SLC23A1: variants seen among roughly 807,000 people sequenced by gnomAD.
SLC23A1 encodes the protein solute carrier family 23 member 1.
A neutral mutation model predicts 62.5 loss-of-function variants in SLC23A1; 31 were observed. The observed-to-expected ratio is 0.50, with a 90% CI of 0.37 to 0.67. The LOEUF (loss-of-function observed/expected upper bound fraction) is 0.67. SLC23A1 is among the 30% of genes least tolerant of loss of function. The probability of loss-of-function intolerance (pLI) is 0.00; values close to 1 mark genes in which losing one functional copy is unlikely to be tolerated. For synonymous variants in SLC23A1, 271 were observed against 313.2 expected (o/e 0.87, Z 1.42); for missense variants, 640 against 782.7 (o/e 0.82, Z 2.18).
At chr5:139,368,060 G>A (rs1308835779) in intron 14 of SLC23A1, among the ~76,000 whole-genome samples, 3 of 152,316 alleles carry the variant, frequency 2.0e-5, no homozygotes, top group Non-Finnish European at 4.4e-5. Flanking sequence ...ATTAGGCCGG[G>A]CGCGGTGGCT....
Position 139,379,740 on chromosome 5 carries a change from G to T in SLC23A1, c.863C>A (p.Ala288Glu). Residue 288 changes from alanine (A) to glutamate (E), a missense_variant, in exon 8 of 15, where the codon GCA (alanine) becomes GAA (glutamate). Physicochemically the swap from Ala to Glu is moderately radical, Grantham distance 107. Coordinates refer to ENST00000348729, the MANE Select transcript of SLC23A1 (RefSeq NM_005847.5). This position sits in a 1 kb window ranked among gnomAD's most constrained non-coding sequence, Gnocchi z 4.7. ...PTDPKAYGFQ[A>E]RTDARGDIMA... ...GATGTCACCACGGGCATCGGTTCGT[G>T]CCTGGAAGCCATAGGCTTTTGGGTC... is the stretch of plus-strand genomic sequence containing the variant. 6.2e-7 allele frequency: 1 copy of T among 1,614,108 alleles called. No individual in the cohort carries two copies. Among genetic ancestry groups the T allele is most frequent in the Non-Finnish European group, 8.5e-7 (1 of 1,179,994 alleles).
In SLC23A1 at chr5:139,378,051, G is replaced by A; in HGVS notation, c.1377C>T (p.Phe459=). 1.9e-6 allele frequency: 3 copies of A among 1,614,146 alleles called. No individual in the cohort carries two copies. The highest frequency in any genetic ancestry group is 2.5e-6 in the Non-Finnish European group (3 of 1,179,986). ...CGAAGAACATGGAAAATCCCAGCAC[G>A]AAGAGGTTGCGAGAGGAGTTCATGT... ...FVDMNSSRNL[F]VLGFSMFFGL... The change falls in exon 12 of 15, where the codon TTC becomes TTT. Residue 459 remains phenylalanine, a synonymous_variant. Coordinates refer to ENST00000348729, the MANE Select transcript of SLC23A1 (RefSeq NM_005847.5). The surrounding 1 kb of genome is among the most constrained non-coding windows in gnomAD (Gnocchi z 4.5).
intron 3 of SLC23A1, 125 bp from the exon 4 acceptor site, chr5:139,381,011 G>A: frequency 1.7e-6 from 1 of 602,452 alleles, no homozygotes; most frequent in South Asian, 2.3e-5. Flanking sequence ...GACAAGGGCA[G>A]ATGGAAATCG....
intron 1 of SLC23A1, 54 bp downstream of exon 1, chr5:139,383,164 T>TC: frequency 1.2e-5 from 4 of 327,506 alleles, no homozygotes; most frequent in Non-Finnish European, 2.1e-5. Flanking sequence ...GCACAGGCCC[T>TC]CCAGCCCCCC....
At chr5:139,372,282 A>C (rs762822940) in intron 13 of SLC23A1, 29 bp from the exon 14 acceptor site, 2 of 1,598,806 alleles carry the variant, frequency 1.3e-6, no homozygotes, top group Non-Finnish European at 1.7e-6. Context: ...GTCATTTACC[A>C]AGGCCAGCAA....
chr5:139,381,867 C>T (rs187966929), intron 3 of SLC23A1, 25 bp downstream of exon 3: 67 of 979,350 alleles, frequency 6.8e-5, no homozygotes, highest in Middle Eastern at 3.9e-4. Context: ...TGGCGGGGGA[C>T]GGGTTGGGGG....
At chr5:139,385,282 C>T (rs563231842), upstream of SLC23A1, among the ~76,000 whole-genome samples, 2 of 152,340 alleles carry the variant, frequency 1.3e-5, no homozygotes, top group African/African-American at 4.8e-5. Context: ...CTGGTGCCAC[C>T]GATCTCCAGT....
chr5:139,380,884 A>G lies in SLC23A1; in HGVS notation c.311T>C (p.Leu104Pro). The G allele has an allele frequency of 8.3e-7, 1 of 1,206,490 alleles. No individual in the cohort carries two copies. The highest frequency in any genetic ancestry group is 1.1e-6 in the Non-Finnish European group (1 of 917,556). The allele number at this position is 1,206,490 out of a possible 1,614,324, so 74.7% of individuals were successfully genotyped here. Residue 104 changes from leucine to proline, a missense_variant and splice_region_variant, in exon 4 of 15, where the codon CTG (leucine) becomes CCG (proline). By Grantham distance (98) the Leu-to-Pro change is moderately conservative (BLOSUM62 -3). Coordinates refer to ENST00000348729, the MANE Select transcript of SLC23A1 (RefSeq NM_005847.5). ...TLIQTTVGIR[L>P]PLFQASAFAF... ...AAAGGCACTGGCCTGGAACAGCGGC[A>G]GCCTGGAGGAGAGGCACAAAGCAAC...
At chr5:139,371,195 A>G (rs1050082363) in intron 14 of SLC23A1, among the ~76,000 whole-genome samples, 10 of 152,230 alleles carry the variant, frequency 6.6e-5, no homozygotes, top group Admixed American at 3.3e-4. Flanking sequence ...AAATAGCAGT[A>G]ATAACTGTCT....
chr5:139,368,446 TTGAACC>T (rs1281782348), intron 14 of SLC23A1, among the ~76,000 whole-genome samples: 8 of 151,922 alleles, frequency 5.3e-5, no homozygotes, highest in African/African-American at 1.9e-4. Context: ...GGAGAATCGC[TTGAACC>T]CAGGTGGCAG....
chr5:139,383,543 G>A (rs774072922), upstream of SLC23A1, among the ~76,000 whole-genome samples: 19 of 152,214 alleles, frequency 1.2e-4, no homozygotes, highest in Non-Finnish European at 2.8e-4. Flanking sequence ...TCGAGGGGGT[G>A]AGGACCAGAA....
chr5:139,382,389 G>A, intron 2 of SLC23A1, 103 bp downstream of exon 2: 1 of 670,198 alleles, frequency 1.5e-6, no homozygotes, highest in Non-Finnish European at 2.6e-6. Context: ...GCTGACCTCA[G>A]GTTTTTCTTC....
At chr5:139,382,452 A>G (rs778717837) in intron 2 of SLC23A1, 40 bp downstream of exon 2, 44 of 1,161,968 alleles carry the variant, frequency 3.8e-5, no homozygotes, top group Non-Finnish European at 5.4e-5. Context: ...GTCCCCGGGG[A>G]GTGTGCAGAG....
chr5:139,379,772 C>T lies in SLC23A1; in HGVS notation c.831G>A (p.Leu277=), dbSNP rs370650114. ...AGCCATAGGCTTTTGGGTCTGTGGG[C>T]AGCACGTCTGTCAAGGTCAGGACAT... ...LCYVLTLTDV[L]PTDPKAYGFQ... Residue 277 remains leucine, a synonymous_variant, in exon 8 of 15, where the codon CTG becomes CTA. Coordinates refer to ENST00000348729, the MANE Select transcript of SLC23A1 (RefSeq NM_005847.5). This position sits in a 1 kb window ranked among gnomAD's most constrained non-coding sequence, Gnocchi z 4.7. 33 of 1,613,906 alleles carry T rather than the reference C, an allele frequency of 2.0e-5. No individual in the cohort carries two copies. The highest frequency in any genetic ancestry group is 2.6e-5 in the Non-Finnish European group (31 of 1,180,008).
In SLC23A1 at chr5:139,378,097, A is replaced by ACC. The variant is rs776657422; in HGVS notation, c.1330_1331insGG (p.Leu444ArgfsTer10). On this transcript the variant is annotated frameshift_variant, in exon 12 of 15. Transcript: ENST00000348729. LOFTEE classifies it high-confidence loss of function. This position sits in a 1 kb window ranked among gnomAD's most constrained non-coding sequence, Gnocchi z 4.5. ...CATGTCCACAAATTGCAGGTTGGAC[A>ACC]GCCCCACAGCTGTAATCATGCCTAA... 6.2e-7 allele frequency: 1 copy of ACC among 1,614,104 alleles called. No homozygotes were observed. Among genetic ancestry groups the ACC allele is most frequent in the African/African-American group, 1.3e-5 (1 of 74,952 alleles).
At position 139,380,287 on chromosome 5, in the gene SLC23A1, G is replaced by T; in HGVS notation, c.568C>A (p.Pro190Thr). The change falls in exon 6 of 15, where the codon CCC becomes ACC. Residue 190 changes from proline (P) to threonine (T), a missense_variant. Pro to Thr is a conservative substitution (Grantham distance 38, BLOSUM62 -1). Transcript: ENST00000348729. ...LNYIGPLTVTPTVSLIGLSVF... is the reference protein window; with the variant it reads ...LNYIGPLTVTTTVSLIGLSVF... ...GAAAGGCCAATGAGGGAGACAGTGG[G>T]GGTGACTGTGAGAGGCCCAATGTAG... The T allele has an allele frequency of 6.3e-7, 1 of 1,595,114 alleles. No homozygotes were observed. The highest frequency in any genetic ancestry group is 8.5e-7 in the Non-Finnish European group (1 of 1,170,896).
chr5:139,370,979 G>A (rs1757632657), intron 14 of SLC23A1, among the ~76,000 whole-genome samples: 2 of 152,052 alleles, frequency 1.3e-5, no homozygotes, highest in South Asian at 2.1e-4. Context: ...CTACTCAGAA[G>A]GCTGAGACAG....
At chr5:139,371,156 C>T (rs936602926) in intron 14 of SLC23A1, among the ~76,000 whole-genome samples, 1 of 152,168 alleles carries the variant, frequency 6.6e-6, no homozygotes, top group Non-Finnish European at 1.5e-5. Flanking sequence ...ATCACTTAAC[C>T]TTTCTGTACC....
Position 139,372,189 on chromosome 5 carries a change from A to G in SLC23A1, c.1614T>C (p.Ser538=). The change falls in exon 14 of 15, where the codon TCT becomes TCC. Residue 538 remains serine (S), a synonymous_variant. Coordinates refer to ENST00000348729, the MANE Select transcript of SLC23A1 (RefSeq NM_005847.5). ...KAGAHANSDM[S]SSLKSYDFPI... ...GGAAATCGTAGCTCTTGAGGCTGGA[A>G]GACATGTCACTGTTGGCATGAGCCC... 6.2e-7 allele frequency: 1 copy of G among 1,612,922 alleles called. No individual in the cohort carries two copies. The highest frequency in any genetic ancestry group is 8.5e-7 in the Non-Finnish European group (1 of 1,178,840).
Sources: gnomAD v4.1 joint callset for allele counts (sites outside exome capture counted in the v4.1 genomes callset) on GRCh38, gnomAD v4.1.1 for gene constraint, Gnocchi (gnomAD v3.1) non-coding constraint, MANE v1.5 for transcripts, NCBI Gene and HGNC (gene_info 2026-07-23, HGNC 2026-07-21) for gene names.